The following MYBPC2 variants were observed in gnomAD, a reference collection of about 807,000 sequenced individuals.
MYBPC2 encodes the protein myosin-binding protein C, fast-type.
A neutral mutation model predicts 137.0 loss-of-function variants in MYBPC2; 122 were observed. The observed-to-expected ratio is 0.89, with a 90% CI of 0.77 to 1.03. The LOEUF (loss-of-function observed/expected upper bound fraction) is 1.03. Ranked by LOEUF, MYBPC2 falls within the 50% of genes least tolerant of loss-of-function variation. The pLI is 0.00. For synonymous variants in MYBPC2, 626 were observed against 612.3 expected, an observed-to-expected ratio of 1.02 and a Z score of -0.33; for missense variants, 1,500 against 1,534.4, an observed-to-expected ratio of 0.98 and a Z score of 0.37.
At position 50,441,016 on chromosome 19, in the gene MYBPC2, G is replaced by T; in HGVS notation, c.709G>T (p.Asp237Tyr). 2 of 1,610,508 alleles carry T rather than the reference G, an allele frequency of 1.2e-6. No homozygotes were observed. ...AATCGCCTTCCAGTATGGCATCACC[G>T]ACCTCCGGGGCATGCTGAAGCGGCT... ...EKIAFQYGIT[D>Y]LRGMLKRLKK... is the part of the protein sequence containing the mutation. The change falls in exon 8 of 28, where the codon GAC (aspartate) becomes TAC (tyrosine). Residue 237 changes from aspartate to tyrosine, a missense_variant. Coordinates refer to ENST00000357701, the MANE Select transcript of MYBPC2 (RefSeq NM_004533.4).
rs2039996531 is a variant in MYBPC2, at chr19:50,464,417, A to T, written c.3300A>T (p.Gln1100His). Residue 1100 changes from glutamine (Q) to histidine (H), a missense_variant, in exon 27 of 28, where the codon CAA (glutamine) becomes CAT (histidine). Gln to His is a conservative substitution (Grantham distance 24). Transcript: ENST00000357701. Reference sequence around the variant, plus strand: ...CCAAGTTCCTGATAACCAATTACCAAGGAGTCCTGACGCTGAACATCCGTC... The same window carrying T: ...CCAAGTTCCTGATAACCAATTACCATGGAGTCCTGACGCTGAACATCCGTC... ...EDPKFLITNY[Q>H]GVLTLNIRRP... 6 of 1,611,672 alleles carry T rather than the reference A, an allele frequency of 3.7e-6. No individual in the cohort carries two copies. Among genetic ancestry groups the T allele is most frequent in the Non-Finnish European group, 5.1e-6 (6 of 1,179,090 alleles).
rs1351316366 is a variant in MYBPC2, at chr19:50,442,221, A to C, written c.810A>C (p.Arg270Ser). Residue 270 changes from arginine to serine, a missense_variant, in exon 9 of 28, where the codon AGA becomes AGC. Arg to Ser is a moderately radical substitution (Grantham distance 110, BLOSUM62 -1). Transcript: ENST00000357701. ...TGGATCCAGCCTACCAAGTGGACAG[A>C]GGCAACAAGATCAAGTTGATGGTAG... ...KKLDPAYQVD[R>S]GNKIKLMVEI... 6.2e-7 allele frequency: 1 copy of C among 1,602,272 alleles called. No homozygotes were observed. The highest frequency in any genetic ancestry group is 2.2e-5 in the East Asian group (1 of 44,528).
In MYBPC2 at chr19:50,436,658, G is replaced by A. The variant is rs1165520502; in HGVS notation, c.387G>A (p.Gly129=). 1.9e-6 allele frequency: 3 copies of A among 1,613,850 alleles called. No individual in the cohort carries two copies. Among genetic ancestry groups the A allele is most frequent in the East Asian group, 4.5e-5 (2 of 44,896 alleles). The part of the protein sequence containing the change: ...VELHIGKVVL[G]DRGYYRLEVK... ...TGCACATTGGGAAGGTGGTACTGGG[G>A]GACCGTGGGTATTACCGCCTCGAGG... The change falls in exon 5 of 28, where the codon GGG becomes GGA. Residue 129 remains glycine, a synonymous_variant. Coordinates refer to ENST00000357701, the MANE Select transcript of MYBPC2 (RefSeq NM_004533.4).
intron 20 of MYBPC2, among the ~76,000 whole-genome samples, chr19:50,457,754 A>G (rs1026247633): frequency 2.8e-5 from 4 of 142,912 alleles, no homozygotes; most frequent in African/African-American, 1.1e-4. Flanking sequence ...ATCTCGGCTC[A>G]CTGCAACCTC....
At chr19:50,455,028 G>C in intron 18 of MYBPC2, 80 bp from the exon 19 acceptor site, 1 of 1,363,168 alleles carries the variant, frequency 7.3e-7, no homozygotes, top group Non-Finnish European at 9.9e-7. Flanking sequence ...CGATCCTCTG[G>C]ATGTGGCCCT....
At chr19:50,433,262 G>C (rs1267360852) in intron 1 of MYBPC2, among the ~76,000 whole-genome samples, 2 of 151,818 alleles carry the variant, frequency 1.3e-5, no homozygotes, top group African/African-American at 4.9e-5. Flanking sequence ...TCAGCAGGGA[G>C]GGTGTTTCTT....
At chr19:50,439,679 G>C (rs1293001564) in intron 7 of MYBPC2, among the ~76,000 whole-genome samples, 1 of 152,104 alleles carries the variant, frequency 6.6e-6, no homozygotes, top group African/African-American at 2.4e-5. Context: ...CGTCTACTAG[G>C]TCCTGGGCTG....
chr19:50,464,064 G>A (rs8107797), intron 26 of MYBPC2, among the ~76,000 whole-genome samples: 51,584 of 151,890 alleles, frequency 0.34, 8,983 homozygotes, highest in Non-Finnish European at 0.39. Context: ...GAGCAGAGAA[G>A]TAATGGGGGT....
At position 50,451,320 on chromosome 19, in the gene MYBPC2, C is replaced by A. The variant is rs376215546; in HGVS notation, c.1609+11C>A. On this transcript the variant is annotated intron_variant, in intron 15 of 27. Coordinates refer to ENST00000357701, the MANE Select transcript of MYBPC2 (RefSeq NM_004533.4). ...ACGTTCCCAAGCAAGGTGAGCACCACGGGCTGCGCTGGGAGCGGGTCTGAG... is the reference window on the plus strand; with the variant it reads ...ACGTTCCCAAGCAAGGTGAGCACCAAGGGCTGCGCTGGGAGCGGGTCTGAG... The A allele has an allele frequency of 2.5e-6, 4 of 1,613,078 alleles. No individual in the cohort carries two copies. Among genetic ancestry groups the A allele is most frequent in the East Asian group, 4.5e-5 (2 of 44,882 alleles).
In MYBPC2 at chr19:50,435,404, G is replaced by A. The variant is rs1198496908; in HGVS notation, c.109+154G>A. On this transcript the variant is annotated intron_variant, in intron 2 of 27. Coordinates refer to ENST00000357701, the MANE Select transcript of MYBPC2 (RefSeq NM_004533.4). This position sits in a 1 kb window ranked among gnomAD's most constrained non-coding sequence, Gnocchi z 4.8. ...CGCCTCCCGTGCTCCCAGCCCTCCC[G>A]GGGCTCCCTGGCACCCGCAGGCAGA... is the stretch of plus-strand genomic sequence containing the variant. Among the ~76,000 whole-genome samples, 1 of 152,192 alleles carries A rather than the reference G, an allele frequency of 6.6e-6. No individual in the cohort carries two copies. Among genetic ancestry groups the A allele is most frequent in the Non-Finnish European group, 1.5e-5 (1 of 68,020 alleles).
At position 50,460,010 on chromosome 19, in the gene MYBPC2, G is replaced by A. The variant is rs756135209; in HGVS notation, c.2792-30G>A. 2.6e-6 allele frequency: 4 copies of A among 1,550,110 alleles called. No individual in the cohort carries two copies. In the African/African-American group the frequency reaches 5.5e-5, roughly 21 times the overall value. Reference sequence around the variant, plus strand: ...AAGCGGCTGGACATCCCAAAACCTGGACTGACTTGTCACACTTCCCCATTT... The same window carrying A: ...AAGCGGCTGGACATCCCAAAACCTGAACTGACTTGTCACACTTCCCCATTT... On this transcript the variant is annotated intron_variant, in intron 23 of 27. Transcript: ENST00000357701.
intron 13 of MYBPC2, among the ~76,000 whole-genome samples, chr19:50,450,573 G>A (rs769521969): frequency 3.3e-5 from 5 of 152,224 alleles, no homozygotes; most frequent in Non-Finnish European, 7.4e-5. Context: ...CTTTCTCGAT[G>A]CTTTACAACA....
intron 11 of MYBPC2, among the ~76,000 whole-genome samples, chr19:50,444,876 T>C (rs1227865500): frequency 1.1e-5 from 1 of 90,792 alleles, no homozygotes; most frequent in Non-Finnish European, 1.9e-5. Flanking sequence ...CGAGACTCCG[T>C]CTCAAAAAAA....
intron 25 of MYBPC2, 62 bp from the exon 26 acceptor site, chr19:50,461,838 C>T: frequency 6.3e-7 from 1 of 1,576,992 alleles, no homozygotes. Flanking sequence ...CGGTTTGTTC[C>T]CTGGTTGGTG....
chr19:50,461,334 T>C (rs2039969504), intron 24 of MYBPC2, among the ~76,000 whole-genome samples: 1 of 152,140 alleles, frequency 6.6e-6, no homozygotes, highest in African/African-American at 2.4e-5. Flanking sequence ...TGTTCCTTTG[T>C]CTGGGCCGAC....
rs766258868 is a variant in MYBPC2 at position 50,451,333 on chromosome 19, G to C, written c.1609+24G>C. The C allele has an allele frequency of 2.5e-6, 4 of 1,612,692 alleles. No individual in the cohort carries two copies. The Admixed American group carries it at 5.0e-5, about 20-fold the overall frequency. On this transcript the variant is annotated intron_variant, in intron 15 of 27. Coordinates refer to ENST00000357701, the MANE Select transcript of MYBPC2 (RefSeq NM_004533.4). ...AGGTGAGCACCACGGGCTGCGCTGG[G>C]AGCGGGTCTGAGGGAGGAGGGACCG... is the stretch of plus-strand genomic sequence containing the variant.
chr19:50,458,398 G>C (rs1265047578), intron 20 of MYBPC2, among the ~76,000 whole-genome samples, 189 bp from the exon 21 acceptor site: 1 of 151,192 alleles, frequency 6.6e-6, no homozygotes, highest in Non-Finnish European at 1.5e-5. Flanking sequence ...ATTAATGAGC[G>C]AACAGAATGG....
rs974007498 is a variant in MYBPC2, at chr19:50,455,134, G to A, written c.2041G>A (p.Gly681Ser). The A allele has an allele frequency of 1.9e-6, 3 of 1,613,346 alleles. No individual in the cohort carries two copies. The highest frequency in any genetic ancestry group is 2.5e-6 in the Non-Finnish European group (3 of 1,179,750). The change falls in exon 19 of 28, where the codon GGC (glycine) becomes AGC (serine). Residue 681 changes from glycine (G) to serine (S), a missense_variant. Coordinates refer to ENST00000357701, the MANE Select transcript of MYBPC2 (RefSeq NM_004533.4). ...GTACCTCGTAGAGCGGAAGAAGAAG[G>A]GCTCTCAGCGCTGGATGAAGCTGAA... is the stretch of plus-strand genomic sequence containing the variant. ...TGYLVERKKK[G>S]SQRWMKLNFE... is the part of the protein sequence containing the mutation.
At chr19:50,458,873 G>T in intron 21 of MYBPC2, 45 bp from the exon 22 acceptor site, 1 of 1,594,372 alleles carries the variant, frequency 6.3e-7, no homozygotes, top group Non-Finnish European at 8.5e-7. Context: ...CCTGGAATGC[G>T]CCCCGGCCCC....
Sources: gnomAD v4.1 joint callset for allele counts (sites outside exome capture counted in the v4.1 genomes callset) on GRCh38, gnomAD v4.1.1 for gene constraint, Gnocchi (gnomAD v3.1) non-coding constraint, MANE v1.5 for transcripts, NCBI Gene and HGNC (gene_info 2026-07-23, HGNC 2026-07-21) for gene names.